Variants in MGST3 observed in about 807,000 individuals in gnomAD.
MGST3 encodes microsomal glutathione S-transferase 3, also known as glutathione S-transferase 3, mitochondrial.
A neutral mutation model predicts 15.8 loss-of-function variants in MGST3; 13 were observed. That is an observed-to-expected ratio of 0.82 (90% CI 0.54 to 1.31). MGST3 has a LOEUF of 1.31. MGST3 is among the 50% of genes most tolerant of loss of function. The pLI, the probability that MGST3 is intolerant of heterozygous loss-of-function variation, is 0.00. For synonymous variants in MGST3, 49 were observed against 68.1 expected (o/e 0.72, Z 1.38); for missense variants, 155 against 192.4 (o/e 0.81, Z 1.15).
intron 1 of MGST3, among the ~76,000 whole-genome samples, chr1:165,642,314 G>A (rs1322969827): frequency 6.6e-6 from 1 of 152,208 alleles, no homozygotes; most frequent in Non-Finnish European, 1.5e-5. Flanking sequence ...GTGCTGAGCA[G>A]TGTCTGGCTG....
Position 165,645,704 on chromosome 1 carries a change from G to A in MGST3, c.-7-4137G>A, listed in dbSNP as rs571391284. The A allele has an allele frequency of 2.0e-5, 3 of 152,256 alleles. No homozygotes were observed. The South Asian group carries it at 6.2e-4, about 32-fold the overall frequency. 9.4% of individuals were successfully genotyped at this position (152,256 alleles called of 1,614,324 possible). A position where few individuals can be genotyped will look rare whatever the true frequency, so the allele number is the denominator to read the frequency against. On this transcript the variant is annotated intron_variant, in intron 1 of 5. Transcript: ENST00000367889. ...ACTACGATGTTACAATGGCACAGTG[G>A]CTATGATGTCACTAAGCAATAGGAA...
chr1:165,655,405 C>T lies in MGST3; in HGVS notation c.360C>T (p.Ile120=), dbSNP rs532549223. ...GTAGTCGAGGAGCCCTGGGGTCCAT[C>T]GCCCTCCTGGGCTTGGTGGGCACAA... ...SKRSRGALGS[I]ALLGLVGTTV... Residue 120 remains isoleucine (I), a synonymous_variant, in exon 6 of 6, where the codon ATC becomes ATT. Transcript: ENST00000367889. 1.9e-5 allele frequency: 31 copies of T among 1,614,028 alleles called. No homozygotes were observed. In the East Asian group the frequency reaches 2.0e-4, roughly 10 times the overall value.
rs1461392372 is a variant in MGST3 at position 165,655,503 on chromosome 1, A to AAAG, written c.*2_*4dup. 1.9e-6 allele frequency: 3 copies of AAAG among 1,614,012 alleles called. No individual in the cohort carries two copies. The African/African-American group carries it at 4.0e-5, about 22-fold the overall frequency. ...GGCAGTGGACCCAAATGCTGCCATTAAAGAATTATAGGGGTTTAAAAACTC... is the reference window on the plus strand; with the variant it reads ...GGCAGTGGACCCAAATGCTGCCATTAAAGAAGAATTATAGGGGTTTAAAAACTC... On this transcript the variant is annotated inframe_insertion and stop_retained_variant, in exon 6 of 6. Coordinates refer to ENST00000367889, the MANE Select transcript of MGST3 (RefSeq NM_004528.4).
chr1:165,631,781 G>A (rs1467216792), intron 1 of MGST3, among the ~76,000 whole-genome samples: 1 of 152,204 alleles, frequency 6.6e-6, no homozygotes, highest in African/African-American at 2.4e-5. Context: ...GCTGCGGTGG[G>A]GATGTGTTGC....
At chr1:165,638,625 A>T (rs1345903359) in intron 1 of MGST3, among the ~76,000 whole-genome samples, 1 of 151,838 alleles carries the variant, frequency 6.6e-6, no homozygotes, top group Non-Finnish European at 1.5e-5. Context: ...CTCTACTAAA[A>T]TACAACAATT....
At chr1:165,652,696 G>C (rs1269159505) in intron 4 of MGST3, among the ~76,000 whole-genome samples, 2 of 152,172 alleles carry the variant, frequency 1.3e-5, no homozygotes, top group Non-Finnish European at 2.9e-5. Context: ...AGACAAGCAA[G>C]GCCTGAGGCA....
chr1:165,635,130 A>T (rs1648073149), intron 1 of MGST3, among the ~76,000 whole-genome samples: 1 of 151,376 alleles, frequency 6.6e-6, no homozygotes, highest in Non-Finnish European at 1.5e-5. Context: ...CCTGCAGACC[A>T]TGGGAAACAT....
chr1:165,635,352 G>GT (rs1571146901), intron 1 of MGST3, among the ~76,000 whole-genome samples: 1 of 152,200 alleles, frequency 6.6e-6, no homozygotes, highest in East Asian at 1.9e-4. Context: ...AGAATTACCA[G>GT]TTTTTTCTCA....
At chr1:165,648,632 C>T (rs60631947) in intron 1 of MGST3, 12,547 of 151,448 alleles carry the variant, frequency 0.083, 601 homozygotes, top group African/African-American at 0.1. Context: ...CACTCCAGCC[C>T]GGGCGACAAG....
At chr1:165,647,520 A>C (rs1430431910) in intron 1 of MGST3, 3 of 152,274 alleles carry the variant, frequency 2.0e-5, no homozygotes, top group African/African-American at 7.2e-5. Flanking sequence ...TTTTCTATAA[A>C]GTGGAGCTAA....
At chr1:165,645,626 G>A (rs540094677) in intron 1 of MGST3, 3 of 152,108 alleles carry the variant, frequency 2.0e-5, no homozygotes, top group Non-Finnish European at 2.9e-5. Context: ...GACTGGCAGC[G>A]CAGTAGGTTT....
At chr1:165,637,417 G>A (rs1050323828) in intron 1 of MGST3, among the ~76,000 whole-genome samples, 4 of 152,170 alleles carry the variant, frequency 2.6e-5, no homozygotes, top group Non-Finnish European at 5.9e-5. Flanking sequence ...AATTATTTGA[G>A]GCAGGTACCC....
chr1:165,641,129 G>A (rs532324684), intron 1 of MGST3, among the ~76,000 whole-genome samples: 11 of 152,320 alleles, frequency 7.2e-5, no homozygotes, highest in African/African-American at 2.6e-4. Flanking sequence ...GTTGCAGTGA[G>A]CCTAGATCGT....
rs1354253543 is a variant in MGST3, at chr1:165,656,117, A to G, written c.*613A>G. The G allele has an allele frequency of 3.3e-5, 5 of 152,768 alleles. No homozygotes were observed. Among genetic ancestry groups the G allele is most frequent in the Admixed American group, 3.3e-4 (5 of 15,336 alleles). 9.5% of individuals were successfully genotyped at this position (152,768 alleles called of 1,614,324 possible). A position where few individuals can be genotyped will look rare whatever the true frequency, so the allele number is the denominator to read the frequency against. On this transcript the variant is annotated 3_prime_UTR_variant, in exon 6 of 6. Transcript: ENST00000367889. ...AGCAAGACCCTGTCTCAAATAAATA[A>G]AAATTAAGTTTCTATTAAAGATTGT...
At chr1:165,639,025 C>T (rs1355774756) in intron 1 of MGST3, among the ~76,000 whole-genome samples, 1 of 152,062 alleles carries the variant, frequency 6.6e-6, no homozygotes, top group African/African-American at 2.4e-5. Flanking sequence ...AAAAGACATC[C>T]ACATTGGAAA....
intron 4 of MGST3, among the ~76,000 whole-genome samples, chr1:165,652,709 C>G (rs1405044195): frequency 6.6e-6 from 1 of 152,138 alleles, no homozygotes; most frequent in Non-Finnish European, 1.5e-5. Context: ...CTGAGGCAGG[C>G]ACCTGTCTGG....
chr1:165,645,266 T>C (rs1267417757), intron 1 of MGST3, among the ~76,000 whole-genome samples: 1 of 152,204 alleles, frequency 6.6e-6, no homozygotes, highest in Admixed American at 6.5e-5. Context: ...TTTTAAGCTT[T>C]TTTTGTTAAA....
At chr1:165,643,550 C>T (rs1648312511) in intron 1 of MGST3, among the ~76,000 whole-genome samples, 2 of 128,136 alleles carry the variant, frequency 1.6e-5, no homozygotes, top group South Asian at 4.9e-4. Flanking sequence ...AAGATCCTAT[C>T]TCTTAAAAAA....
intron 1 of MGST3, among the ~76,000 whole-genome samples, chr1:165,643,640 C>T (rs765605633): frequency 4.6e-5 from 7 of 151,624 alleles, no homozygotes; most frequent in Non-Finnish European, 7.4e-5. Context: ...CTGAGGCAGC[C>T]GTATCAGTTG....
Sources: allele counts gnomAD v4.1 joint callset (sites outside exome capture counted in the v4.1 genomes callset), GRCh38; gene constraint gnomAD v4.1.1; transcripts MANE v1.5; gene names NCBI Gene and HGNC (gene_info 2026-07-23, HGNC 2026-07-21).